Variants in PLXDC2 observed in about 807,000 individuals in gnomAD.
PLXDC2 encodes plexin domain-containing protein 2.
Under a neutral mutation model 68.9 loss-of-function variants are expected in PLXDC2, and 40 were observed. That is an observed-to-expected ratio of 0.58 (90% confidence interval 0.45 to 0.76). PLXDC2 has a LOEUF of 0.76. Among genes scored for constraint, PLXDC2 ranks in the 30% least tolerant of loss-of-function variants. The pLI, the probability that PLXDC2 is intolerant of heterozygous loss-of-function variation, is 0.00. For missense variants in PLXDC2, 644 were observed against 661.9 expected (o/e 0.97, Z 0.30); for synonymous variants, 243 against 234.2 (o/e 1.04, Z -0.34).
intron 1 of PLXDC2, among the ~76,000 whole-genome samples, chr10:19,957,000 T>G (rs970783472): frequency 1.3e-5 from 2 of 152,212 alleles, no homozygotes; most frequent in Non-Finnish European, 2.9e-5. Flanking sequence ...CTGTGGGCAC[T>G]GGCATAATTT....
At chr10:19,837,223 G>A (rs441097) in intron 1 of PLXDC2, among the ~76,000 whole-genome samples, 92,885 of 150,376 alleles carry the variant, frequency 0.62, 29,064 homozygotes, top group East Asian at 0.73. Flanking sequence ...GTAAAAAAAA[G>A]AAATGAAGTG....
rs1589658919 is a variant in PLXDC2 at position 20,160,642 on chromosome 10, G to T, written c.784-3826G>T. On this transcript the variant is annotated intron_variant, in intron 6 of 13. Transcript: ENST00000377252. ...CGTGAGGCTACCCATTTTGGTTTCG[G>T]GTAAATTTTTCTCCTGTTAAATGAA... Among the ~76,000 whole-genome samples, 3 of 152,112 alleles carry T rather than the reference G, an allele frequency of 2.0e-5. No individual in the cohort carries two copies. In the South Asian group the frequency reaches 6.2e-4, roughly 32 times the overall value.
chr10:19,976,719 T>A (rs1834462681), intron 1 of PLXDC2, among the ~76,000 whole-genome samples: 1 of 152,104 alleles, frequency 6.6e-6, no homozygotes, highest in Non-Finnish European at 1.5e-5. Context: ...TTTCTTTAAT[T>A]TTCTCCCCCT....
In PLXDC2 at chr10:20,072,269, C is replaced by T. The variant is rs574067569; in HGVS notation, c.541+4030C>T. The stretch of plus-strand genomic sequence containing the variant: ...CCTGTAATCCCACCTACTCAGGAGG[C>T]GGCGACAGGAGAATCGCTTGAACGC... On this transcript the variant is annotated intron_variant, in intron 4 of 13. Transcript: ENST00000377252. Among the ~76,000 whole-genome samples the T allele has an allele frequency of 3.1e-3, 468 of 151,746 alleles. 2 individuals are homozygous for T. Among genetic ancestry groups the T allele is most frequent in the African/African-American group, 0.011 (437 of 41,308 alleles).
chr10:19,943,648 C>T (rs1444112271), intron 1 of PLXDC2, among the ~76,000 whole-genome samples: 2 of 152,194 alleles, frequency 1.3e-5, no homozygotes, highest in Non-Finnish European at 2.9e-5. Context: ...ACACACTTTG[C>T]TGAATATTTT....
chr10:19,833,035 C>T (rs189724933), intron 1 of PLXDC2, among the ~76,000 whole-genome samples: 1 of 152,098 alleles, frequency 6.6e-6, no homozygotes, highest in African/African-American at 2.4e-5. Context: ...AATGTCTGTT[C>T]TCTGAATGTT....
intron 1 of PLXDC2, among the ~76,000 whole-genome samples, chr10:19,842,673 A>G (rs761427460): frequency 1.6e-4 from 24 of 152,200 alleles, no homozygotes; most frequent in African/African-American, 3.9e-4. Context: ...AGAAGCTTTT[A>G]TCTTGCTCGG....
At chr10:20,167,677 G>A (rs1834392933) in intron 7 of PLXDC2, among the ~76,000 whole-genome samples, 1 of 152,034 alleles carries the variant, frequency 6.6e-6, no homozygotes, top group South Asian at 2.1e-4. Context: ...CATAAGATCA[G>A]TTTTCTATTC....
chr10:19,984,488 G>T (rs1834603410), intron 1 of PLXDC2, among the ~76,000 whole-genome samples: 1 of 152,218 alleles, frequency 6.6e-6, no homozygotes, highest in Admixed American at 6.5e-5. Flanking sequence ...AGAGCATTTT[G>T]CTTTTCCTCT....
At chr10:20,109,909 T>A (rs1029165322) in intron 4 of PLXDC2, among the ~76,000 whole-genome samples, 1 of 152,196 alleles carries the variant, frequency 6.6e-6, no homozygotes, top group Non-Finnish European at 1.5e-5. Context: ...AAATGAAATG[T>A]GTGAAGCACA....
intron 13 of PLXDC2, among the ~76,000 whole-genome samples, chr10:20,248,269 C>G (rs776788668): frequency 1.3e-4 from 20 of 152,098 alleles, no homozygotes; most frequent in Non-Finnish European, 2.5e-4. Flanking sequence ...GAGTATTAGT[C>G]TCATTGTCTT....
At chr10:20,064,738 T>C (rs1462478672) in intron 3 of PLXDC2, among the ~76,000 whole-genome samples, 2 of 152,194 alleles carry the variant, frequency 1.3e-5, no homozygotes, top group African/African-American at 4.8e-5. Context: ...CTTAGAAACC[T>C]GTGCTTGACT....
At chr10:20,170,641 C>T (rs1229313286) in intron 7 of PLXDC2, among the ~76,000 whole-genome samples, 1 of 151,992 alleles carries the variant, frequency 6.6e-6, no homozygotes, top group African/African-American at 2.4e-5. Context: ...TTCAGAGCTT[C>T]CTGTGCTGGT....
intron 4 of PLXDC2, among the ~76,000 whole-genome samples, chr10:20,095,197 T>C (rs1041878382): frequency 6.6e-6 from 1 of 152,206 alleles, no homozygotes; most frequent in Non-Finnish European, 1.5e-5. Flanking sequence ...TTTCTTTTCT[T>C]GTGAAATCAG....
At chr10:20,146,426 T>G (rs1834078845) in intron 5 of PLXDC2, among the ~76,000 whole-genome samples, 1 of 151,098 alleles carries the variant, frequency 6.6e-6, no homozygotes, top group Non-Finnish European at 1.5e-5. Context: ...TCTTTCTTTC[T>G]TTCTTTTTCT....
intron 1 of PLXDC2, among the ~76,000 whole-genome samples, chr10:19,849,426 C>T (rs954408320): frequency 4.6e-5 from 7 of 152,098 alleles, no homozygotes; most frequent in Non-Finnish European, 8.8e-5. Flanking sequence ...TGGCCCCACC[C>T]GAATCTCATC....
At chr10:19,911,123 A>T (rs1300333829) in intron 1 of PLXDC2, among the ~76,000 whole-genome samples, 1 of 152,056 alleles carries the variant, frequency 6.6e-6, no homozygotes, top group Non-Finnish European at 1.5e-5. Context: ...AATGGGCTGC[A>T]GGTATTACCT....
At chr10:20,159,656 T>C (rs995194067) in intron 6 of PLXDC2, among the ~76,000 whole-genome samples, 4 of 152,184 alleles carry the variant, frequency 2.6e-5, no homozygotes, top group African/African-American at 9.6e-5. Flanking sequence ...GTCACTGTCA[T>C]GGCTTGCAAG....
intron 3 of PLXDC2, among the ~76,000 whole-genome samples, chr10:20,052,722 CAAAAAAAAAA>C (rs59776582): frequency 2.2e-5 from 2 of 92,816 alleles, no homozygotes; most frequent in East Asian, 6.1e-4. Context: ...ACAAATTATG[CAAAAAAAAAA>C]AAAAAAAAAG....
Sources: allele counts gnomAD v4.1 joint callset (sites outside exome capture counted in the v4.1 genomes callset), GRCh38; gene constraint gnomAD v4.1.1; transcripts MANE v1.5; gene names NCBI Gene and HGNC (gene_info 2026-07-23, HGNC 2026-07-21).